Variants in RTN1 observed in about 807,000 individuals in gnomAD.
The protein encoded by RTN1 is reticulon 1, also known as reticulon-1.
A neutral mutation model predicts 65.5 loss-of-function variants in RTN1; 25 were observed. The observed-to-expected ratio is 0.38, with a 90% CI of 0.28 to 0.53. RTN1 has a LOEUF of 0.53. Ranked by LOEUF, RTN1 falls within the 20% of genes least tolerant of loss-of-function variation. The pLI is 0.79. For synonymous variants in RTN1, 471 were observed against 447.6 expected (o/e 1.05, Z -0.66); for missense variants, 983 against 1,025.4 (o/e 0.96, Z 0.57).
intron 3 of RTN1, among the ~76,000 whole-genome samples, chr14:59,682,067 CT>C (rs1883756178): frequency 6.6e-6 from 1 of 152,172 alleles, no homozygotes; most frequent in Non-Finnish European, 1.5e-5. Context: ...CCAGCATGTG[CT>C]TTTTAATGTG....
At chr14:59,840,019 C>A (rs918310809) in intron 1 of RTN1, among the ~76,000 whole-genome samples, 1 of 152,006 alleles carries the variant, frequency 6.6e-6, no homozygotes, top group Non-Finnish European at 1.5e-5. Context: ...CTTTTCCAGA[C>A]AGATTTCCAG....
chr14:59,699,123 T>C (rs1196721579), intron 3 of RTN1, among the ~76,000 whole-genome samples: 1 of 152,114 alleles, frequency 6.6e-6, no homozygotes, highest in Non-Finnish European at 1.5e-5. Context: ...TGCTGCACTT[T>C]TCTATATCAT....
At chr14:59,757,825 A>G (rs927512812) in intron 1 of RTN1, among the ~76,000 whole-genome samples, 1 of 152,162 alleles carries the variant, frequency 6.6e-6, no homozygotes, top group Non-Finnish European at 1.5e-5. Flanking sequence ...GTTTTGTTAC[A>G]GCATCCCAAA....
At chr14:59,811,275 A>G (rs1308588805) in intron 1 of RTN1, among the ~76,000 whole-genome samples, 3 of 152,154 alleles carry the variant, frequency 2.0e-5, no homozygotes, top group Non-Finnish European at 2.9e-5. Context: ...CCAGCAAAGA[A>G]ACTATAGGTT....
rs373673774 is a variant in RTN1 at position 59,724,725 on chromosome 14, G to GA, written c.1765+2193dup. On this transcript the variant is annotated intron_variant, in intron 3 of 8. Coordinates refer to ENST00000267484, the MANE Select transcript of RTN1 (RefSeq NM_021136.3). ...ACAAAAGTGAAACTCTGTGTCAGAC[G>GA]AAAAAAAAAAAAAACAGCCTGGGGA... Among the ~76,000 whole-genome samples, 450 of 138,632 alleles carry GA rather than the reference G, an allele frequency of 3.2e-3. 4 individuals carry two copies. The East Asian group carries it at 0.041, about 13-fold the overall frequency. The allele number at this position is 138,632 out of a possible 152,430, so 90.9% of individuals were successfully genotyped here.
At chr14:59,750,256 AAT>A (rs1489108815) in intron 1 of RTN1, among the ~76,000 whole-genome samples, 1 of 26,446 alleles carries the variant, frequency 3.8e-5, no homozygotes, top group Non-Finnish European at 5.7e-5. Flanking sequence ...TATAATATAT[AAT>A]ATATATAATA....
At chr14:59,708,733 G>A (rs1436074202) in intron 3 of RTN1, among the ~76,000 whole-genome samples, 2 of 152,186 alleles carry the variant, frequency 1.3e-5, no homozygotes, top group African/African-American at 2.4e-5. Context: ...CTGAATCTGA[G>A]GGGTAGAGAC....
chr14:59,714,722 A>G (rs556179868), intron 3 of RTN1, among the ~76,000 whole-genome samples: 1 of 152,314 alleles, frequency 6.6e-6, no homozygotes, highest in South Asian at 2.1e-4. Flanking sequence ...GCAAGTATCA[A>G]TTTGATGGAA....
At chr14:59,863,822 C>T (rs1363523448) in intron 1 of RTN1, among the ~76,000 whole-genome samples, 2 of 152,218 alleles carry the variant, frequency 1.3e-5, no homozygotes, top group Non-Finnish European at 2.9e-5. Flanking sequence ...CTAATAACAA[C>T]TTCATTCTTG....
intron 1 of RTN1, among the ~76,000 whole-genome samples, chr14:59,748,673 T>C (rs2139513132): frequency 6.6e-6 from 1 of 152,226 alleles, no homozygotes; most frequent in Non-Finnish European, 1.5e-5. Flanking sequence ...ACACACAGCA[T>C]GGTAAGCTCC....
At chr14:59,808,109 G>A (rs1886668582) in intron 1 of RTN1, among the ~76,000 whole-genome samples, 1 of 152,100 alleles carries the variant, frequency 6.6e-6, no homozygotes, top group Admixed American at 6.5e-5. Context: ...TTCCAATCAT[G>A]GATCTTTGTT....
At chr14:59,820,356 G>GTTTTTTTTT (rs34274539) in intron 1 of RTN1, among the ~76,000 whole-genome samples, 37 of 79,298 alleles carry the variant, frequency 4.7e-4, no homozygotes, top group East Asian at 9.1e-4. Flanking sequence ...CTTATTGATA[G>GTTTTTTTTT]TTTTTTTTTT....
intron 3 of RTN1, among the ~76,000 whole-genome samples, chr14:59,671,646 C>T (rs767216669): frequency 5.9e-5 from 9 of 152,212 alleles, no homozygotes; most frequent in Admixed American, 2.0e-4. Flanking sequence ...GTTTGCCTGG[C>T]TTCAGAGCAC....
chr14:59,625,414 T>G (rs956223737), intron 3 of RTN1, among the ~76,000 whole-genome samples: 13 of 152,204 alleles, frequency 8.5e-5, no homozygotes, highest in African/African-American at 3.1e-4. Flanking sequence ...TTCAAACCTT[T>G]TGATGTTTAT....
intron 1 of RTN1, among the ~76,000 whole-genome samples, chr14:59,782,634 A>C (rs1886177377): frequency 6.6e-6 from 1 of 152,196 alleles, no homozygotes; most frequent in African/African-American, 2.4e-5. Context: ...TAAAGAGCCA[A>C]AATGTAACTA....
At chr14:59,676,090 T>C (rs1883620781) in intron 3 of RTN1, among the ~76,000 whole-genome samples, 1 of 152,198 alleles carries the variant, frequency 6.6e-6, no homozygotes, top group Non-Finnish European at 1.5e-5. Context: ...CATTGTATCA[T>C]TAATACCTAG....
intron 3 of RTN1, among the ~76,000 whole-genome samples, chr14:59,717,312 G>A (rs1884557580): frequency 6.6e-6 from 1 of 152,182 alleles, no homozygotes; most frequent in African/African-American, 2.4e-5. Context: ...GAAGGGAAGA[G>A]TTAAGCCAGA....
At chr14:59,680,991 A>G (rs1883734245) in intron 3 of RTN1, among the ~76,000 whole-genome samples, 1 of 152,146 alleles carries the variant, frequency 6.6e-6, no homozygotes, top group South Asian at 2.1e-4. Context: ...ATAATAGAAT[A>G]TATGTTGAAA....
chr14:59,638,754 G>A (rs1183720552), intron 3 of RTN1, among the ~76,000 whole-genome samples: 1 of 152,158 alleles, frequency 6.6e-6, no homozygotes, highest in Non-Finnish European at 1.5e-5. Flanking sequence ...ATTAGGCTTT[G>A]GCTTAAGGGA....
Sources: gnomAD v4.1 joint callset for allele counts (sites outside exome capture counted in the v4.1 genomes callset) on GRCh38, gnomAD v4.1.1 for gene constraint, MANE v1.5 for transcripts, NCBI Gene and HGNC (gene_info 2026-07-23, HGNC 2026-07-21) for gene names.